Variants in CCDC40 observed in about 807,000 individuals in gnomAD.
CCDC40 encodes coiled-coil domain 40 molecular ruler complex subunit.
In CCDC40, 104 loss-of-function variants were observed where a neutral mutation model predicts 124.5. The observed-to-expected ratio is 0.84, with a 90% confidence interval of 0.71 to 0.98. The LOEUF is 0.98. Among genes scored for constraint, CCDC40 ranks in the 50% least tolerant of loss-of-function variants. The probability of loss-of-function intolerance (pLI) is 0.00; values close to 1 mark genes in which losing one functional copy is unlikely to be tolerated. For missense variants in CCDC40, 1,463 were observed against 1,503.9 expected (o/e 0.97, Z 0.45); for synonymous variants, 580 against 602.9 (o/e 0.96, Z 0.56).
Position 80,099,436 on chromosome 17 carries a change from G to C in CCDC40, c.3181-91G>C, listed in dbSNP as rs544894602. 31 of 1,483,056 alleles carry C rather than the reference G, an allele frequency of 2.1e-5. No homozygotes were observed. In the African/African-American group the frequency reaches 4.0e-4, roughly 19 times the overall value. 91.9% of individuals were successfully genotyped at this position (1,483,056 alleles called of 1,614,324 possible). A position where few individuals can be genotyped will look rare whatever the true frequency, so the allele number is the denominator to read the frequency against. ...CAGGCGTAGGTCTCGCCTCCTCTTCGGCATTTCCTGGAATCTGAGTTTGTG... is the reference window on the plus strand; with the variant it reads ...CAGGCGTAGGTCTCGCCTCCTCTTCCGCATTTCCTGGAATCTGAGTTTGTG... On this transcript the variant is annotated intron_variant, in intron 19 of 19. Transcript: ENST00000397545.
intron 10 of CCDC40, chr17:80,067,146 G>A (rs1030722005): frequency 1.5e-5 from 3 of 202,834 alleles, no homozygotes; most frequent in East Asian, 1.3e-4. Context: ...ACCCTGCAGC[G>A]TCCCCAAGGG....
chr17:80,053,309 CCTCTTG>C (rs2037654821), intron 7 of CCDC40, among the ~76,000 whole-genome samples: 2 of 152,194 alleles, frequency 1.3e-5, no homozygotes, highest in Non-Finnish European at 2.9e-5. Flanking sequence ...ACCCAGATGG[CCTCTTG>C]AGGCCGGGCC....
At chr17:80,089,579 G>T in intron 16 of CCDC40, 185 bp from the exon 17 acceptor site, 3 of 479,714 alleles carry the variant, frequency 6.3e-6, no homozygotes, top group Non-Finnish European at 3.8e-6. Flanking sequence ...GCCAGAGGTT[G>T]GCAAACGTTT....
chr17:80,098,511 A>G lies in CCDC40; in HGVS notation c.3181-1016A>G, dbSNP rs544804530. Among the ~76,000 whole-genome samples the G allele has an allele frequency of 3.0e-4, 45 of 152,336 alleles. No individual in the cohort carries two copies. The South Asian group carries it at 8.5e-3, about 29-fold the overall frequency. On this transcript the variant is annotated intron_variant, in intron 19 of 19. Coordinates refer to ENST00000397545, the MANE Select transcript of CCDC40 (RefSeq NM_017950.4). The stretch of plus-strand genomic sequence containing the variant: ...ATATGCGTTATGCCAACATCGCCCG[A>G]TGGGATTCCTGCTGGGTTGGCTGTG...
At chr17:80,052,119 C>A (rs968411319) in intron 7 of CCDC40, among the ~76,000 whole-genome samples, 4 of 152,194 alleles carry the variant, frequency 2.6e-5, no homozygotes, top group Non-Finnish European at 5.9e-5. Flanking sequence ...AGCCCACGGT[C>A]ACCTGCCTCA....
intron 12 of CCDC40, among the ~76,000 whole-genome samples, chr17:80,083,766 C>A (rs1009466800): frequency 1.3e-5 from 2 of 152,248 alleles, no homozygotes; most frequent in African/African-American, 4.8e-5. Flanking sequence ...ACAGAGGAGG[C>A]CAGCACTGGC....
intron 3 of CCDC40, among the ~76,000 whole-genome samples, chr17:80,043,225 T>C (rs891326926): frequency 3.3e-5 from 5 of 152,268 alleles, no homozygotes; most frequent in African/African-American, 1.2e-4. Context: ...CCTCCATCCT[T>C]CTTTGAGGGC....
intron 1 of CCDC40, among the ~76,000 whole-genome samples, chr17:80,037,434 G>T (rs559024316): frequency 4.6e-5 from 7 of 152,128 alleles, no homozygotes; most frequent in Non-Finnish European, 8.8e-5. Flanking sequence ...TATTGACATG[G>T]AAAGACTAAA....
Position 80,073,083 on chromosome 17 carries a change from A to G in CCDC40, c.1562+7477A>G, listed in dbSNP as rs1460932988. Among the ~76,000 whole-genome samples, 15 of 151,744 alleles carry G rather than the reference A, an allele frequency of 9.9e-5. No individual in the cohort carries two copies. The East Asian group carries it at 2.9e-3, about 29-fold the overall frequency. On this transcript the variant is annotated intron_variant, in intron 10 of 19. Coordinates refer to ENST00000397545, the MANE Select transcript of CCDC40 (RefSeq NM_017950.4). Reference sequence around the variant, plus strand: ...AGTGGGGCGATCTTGGCTCACTGCAACCTCCACCTCCCGGGTTCAAGCAAT... The same window carrying G: ...AGTGGGGCGATCTTGGCTCACTGCAGCCTCCACCTCCCGGGTTCAAGCAAT...
chr17:80,056,053 T>C (rs1297435265), intron 7 of CCDC40, among the ~76,000 whole-genome samples: 1 of 130,746 alleles, frequency 7.6e-6, no homozygotes, highest in Non-Finnish European at 1.6e-5. Flanking sequence ...GGTCTTACTG[T>C]GTTGCCCAGG....
At chr17:80,082,887 T>C (rs891951487) in intron 12 of CCDC40, among the ~76,000 whole-genome samples, 6 of 152,126 alleles carry the variant, frequency 3.9e-5, no homozygotes, top group African/African-American at 1.4e-4. Flanking sequence ...TTACGACAAT[T>C]TTCCAACCGA....
intron 3 of CCDC40, among the ~76,000 whole-genome samples, chr17:80,041,540 C>T (rs2037283604): frequency 6.6e-6 from 1 of 152,048 alleles, no homozygotes; most frequent in African/African-American, 2.4e-5. Context: ...AATTGCCTTG[C>T]TCCATTTCCA....
chr17:80,048,698 C>T lies in CCDC40; in HGVS notation c.792C>T (p.Ser264=), dbSNP rs755272659. 4.2e-5 allele frequency: 67 copies of T among 1,613,856 alleles called. No individual in the cohort carries two copies. Among genetic ancestry groups the T allele is most frequent in the South Asian group, 1.2e-4 (11 of 91,074 alleles). ...GGGCCATGGCAGAGAGAGTGGAGTC[C>T]GAGGGGAGTGACGAGGAAGCAGAAG... ...EEGAMAERVE[S]EGSDEEAEDE... Residue 264 remains serine, a synonymous_variant, in exon 5 of 20, where the codon TCC becomes TCT. Coordinates refer to ENST00000397545, the MANE Select transcript of CCDC40 (RefSeq NM_017950.4).
intron 9 of CCDC40, among the ~76,000 whole-genome samples, chr17:80,059,790 C>T (rs2143654289): frequency 6.6e-6 from 1 of 152,168 alleles, no homozygotes; most frequent in South Asian, 2.1e-4. Flanking sequence ...AAACTCCTGA[C>T]CTCAGGTGAT....
intron 3 of CCDC40, among the ~76,000 whole-genome samples, chr17:80,043,869 C>T (rs1420373083): frequency 1.3e-5 from 2 of 152,070 alleles, no homozygotes; most frequent in Non-Finnish European, 2.9e-5. Context: ...AGCCTGGCCC[C>T]ATGATCCTTA....
chr17:80,072,177 G>A (rs554358105), intron 10 of CCDC40, among the ~76,000 whole-genome samples: 2 of 152,176 alleles, frequency 1.3e-5, no homozygotes, highest in East Asian at 3.9e-4. Context: ...CTTACGATGG[G>A]TTTGCCGGGC....
At chr17:80,057,426 C>T (rs1484019786) in intron 7 of CCDC40, among the ~76,000 whole-genome samples, 1 of 152,140 alleles carries the variant, frequency 6.6e-6, no homozygotes, top group African/African-American at 2.4e-5. Flanking sequence ...CCTTCGAGCA[C>T]ACCTGGCTCC....
chr17:80,085,983 T>C lies in CCDC40; in HGVS notation c.2236-20T>C. 1 of 1,612,690 alleles carries C rather than the reference T, an allele frequency of 6.2e-7. No individual in the cohort carries two copies. The highest frequency in any genetic ancestry group is 2.2e-5 in the East Asian group (1 of 44,872). On this transcript the variant is annotated intron_variant, in intron 13 of 19. Transcript: ENST00000397545. ...CTGCGCCCAGCCCTAATTTTGCTTTTTGATGAATATCCGGTCTAGGGGGAA... is the reference window on the plus strand; with the variant it reads ...CTGCGCCCAGCCCTAATTTTGCTTTCTGATGAATATCCGGTCTAGGGGGAA...
At chr17:80,061,854 C>T (rs180750175) in intron 9 of CCDC40, among the ~76,000 whole-genome samples, 1 of 115,958 alleles carries the variant, frequency 8.6e-6, no homozygotes, top group African/African-American at 4.0e-5. Flanking sequence ...GCAGCCACTC[C>T]CTCCCTAACC....
Sources: gnomAD v4.1 joint callset for allele counts (sites outside exome capture counted in the v4.1 genomes callset) on GRCh38, gnomAD v4.1.1 for gene constraint, MANE v1.5 for transcripts, NCBI Gene and HGNC (gene_info 2026-07-23, HGNC 2026-07-21) for gene names.